Variants in EYA1 observed in about 807,000 individuals in gnomAD.
EYA1 encodes EYA transcriptional coactivator and phosphatase 1.
Under a neutral mutation model 82.0 loss-of-function variants are expected in EYA1, and 16 were observed. That is an observed-to-expected ratio of 0.20 (90% confidence interval 0.13 to 0.30). The LOEUF (loss-of-function observed/expected upper bound fraction) is 0.30. Among genes scored for constraint, EYA1 ranks in the 10% least tolerant of loss-of-function variants. EYA1 has a pLI of 1.00. For synonymous variants in EYA1, 261 were observed against 264.4 expected (o/e 0.99, Z 0.12); for missense variants, 633 against 730.7 (o/e 0.87, Z 1.54).
chr8:71,290,523 A>AT (rs556702967), intron 9 of EYA1, among the ~76,000 whole-genome samples: 204 of 152,288 alleles, frequency 1.3e-3, no homozygotes, highest in Non-Finnish European at 2.5e-3. Flanking sequence ...ATGTATAAAT[A>AT]TAAGAAAGAA....
At chr8:71,374,100 A>G (rs1828234071) in intron 2 of EYA1, among the ~76,000 whole-genome samples, 1 of 152,180 alleles carries the variant, frequency 6.6e-6, no homozygotes, top group South Asian at 2.1e-4. Flanking sequence ...GAACGGACAA[A>G]AAAGGCAAAG....
rs945927224 is a variant in EYA1, at chr8:71,327,877, GAC to G, written c.203-5611_203-5610del. On this transcript the variant is annotated intron_variant, in intron 4 of 17. Transcript: ENST00000340726. ...TCTTTTTTTTTTTTTTTTTTTTTGA[GAC>G]AGAGTCTCACCCTGTCGCCCTGGCT... Among the ~76,000 whole-genome samples the G allele has an allele frequency of 2.6e-5, 3 of 117,260 alleles. No homozygotes were observed. In the Admixed American group the frequency reaches 3.0e-4, roughly 12 times the overall value. 76.9% of individuals were successfully genotyped at this position (117,260 alleles called of 152,430 possible). A position where few individuals can be genotyped will look rare whatever the true frequency, so the allele number is the denominator to read the frequency against.
At chr8:71,390,386 C>T (rs4607654) in intron 2 of EYA1, among the ~76,000 whole-genome samples, 1,992 of 151,922 alleles carry the variant, frequency 0.013, 41 homozygotes, top group African/African-American at 0.045. Context: ...CCTCAGTCTC[C>T]TGAGTAACTG....
intron 9 of EYA1, among the ~76,000 whole-genome samples, chr8:71,286,926 C>T (rs946239499): frequency 6.6e-6 from 1 of 151,350 alleles, no homozygotes. Flanking sequence ...CTCAGACTCC[C>T]GAGTAGCTGG....
chr8:71,482,933 T>C (rs1444513684), intron 2 of EYA1, among the ~76,000 whole-genome samples: 1 of 152,190 alleles, frequency 6.6e-6, no homozygotes, highest in Non-Finnish European at 1.5e-5. Flanking sequence ...TTCCTTCTTC[T>C]TCCTGGTGGT....
At chr8:71,295,242 A>T (rs1207440615) in intron 9 of EYA1, among the ~76,000 whole-genome samples, 2 of 152,208 alleles carry the variant, frequency 1.3e-5, no homozygotes, top group East Asian at 3.9e-4. Context: ...AAACTGGAGT[A>T]TTAAAATTAA....
At chr8:71,301,136 A>G (rs1016281771) in intron 7 of EYA1, among the ~76,000 whole-genome samples, 1 of 152,184 alleles carries the variant, frequency 6.6e-6, no homozygotes, top group Non-Finnish European at 1.5e-5. Flanking sequence ...CACTATTCAG[A>G]TGGCTCCAGG....
At chr8:71,225,188 G>A in intron 12 of EYA1, 2 of 455,914 alleles carry the variant, frequency 4.4e-6, no homozygotes, top group South Asian at 3.1e-5. Context: ...TGCTTTCTAA[G>A]GGCACGTCCA....
intron 2 of EYA1, among the ~76,000 whole-genome samples, chr8:71,467,969 G>A (rs756918017): frequency 1.8e-4 from 27 of 152,116 alleles, no homozygotes; most frequent in Middle Eastern, 3.2e-3. Flanking sequence ...AAAGGTGTCT[G>A]TAATCCTGAC....
At chr8:71,450,488 G>A (rs1397883972) in intron 2 of EYA1, among the ~76,000 whole-genome samples, 1 of 152,164 alleles carries the variant, frequency 6.6e-6, no homozygotes, top group Non-Finnish European at 1.5e-5. Flanking sequence ...CGTCTTATAT[G>A]GGCATGGTTT....
At chr8:71,264,816 C>G (rs1260358050) in intron 11 of EYA1, among the ~76,000 whole-genome samples, 2 of 152,024 alleles carry the variant, frequency 1.3e-5, no homozygotes, top group Non-Finnish European at 2.9e-5. Flanking sequence ...CTCCTGAGCT[C>G]AAGTGATCTA....
chr8:71,501,374 T>C (rs1811794248), intron 2 of EYA1, among the ~76,000 whole-genome samples: 1 of 152,232 alleles, frequency 6.6e-6, no homozygotes, highest in Non-Finnish European at 1.5e-5. Context: ...ATTTAAAACA[T>C]GGTCATTATT....
chr8:71,307,037 A>C (rs1311092163), intron 7 of EYA1, among the ~76,000 whole-genome samples: 1 of 152,232 alleles, frequency 6.6e-6, no homozygotes, highest in Non-Finnish European at 1.5e-5. Flanking sequence ...TAAAGGATTT[A>C]GTGAGAACAC....
chr8:71,444,156 A>C (rs1806663739), intron 2 of EYA1, among the ~76,000 whole-genome samples: 1 of 152,216 alleles, frequency 6.6e-6, no homozygotes, highest in Non-Finnish European at 1.5e-5. Flanking sequence ...CAATTAATTT[A>C]CTGCAACTTA....
chr8:71,335,421 C>T (rs1179163047), intron 3 of EYA1, among the ~76,000 whole-genome samples: 1 of 152,152 alleles, frequency 6.6e-6, no homozygotes, highest in Non-Finnish European at 1.5e-5. Flanking sequence ...TAAATAGATG[C>T]ATCGGATAGT....
chr8:71,469,914 A>G (rs190735865), intron 2 of EYA1, among the ~76,000 whole-genome samples: 21 of 152,184 alleles, frequency 1.4e-4, no homozygotes, highest in African/African-American at 4.3e-4. Flanking sequence ...CCTAATGGCA[A>G]AACTCTAAAG....
At chr8:71,301,558 G>A (rs1820200198) in intron 7 of EYA1, among the ~76,000 whole-genome samples, 1 of 151,996 alleles carries the variant, frequency 6.6e-6, no homozygotes, top group African/African-American at 2.4e-5. Flanking sequence ...TTAAAAGCTT[G>A]AGCCAAGAAT....
chr8:71,385,890 T>C (rs1828943636), intron 2 of EYA1, among the ~76,000 whole-genome samples: 1 of 152,192 alleles, frequency 6.6e-6, no homozygotes, highest in Non-Finnish European at 1.5e-5. Flanking sequence ...AGGAGGAATG[T>C]TCAAAGCCAT....
At chr8:71,547,419 A>G (rs1586927475) in intron 1 of EYA1, 1 of 152,200 alleles carries the variant, frequency 6.6e-6, no homozygotes, top group Non-Finnish European at 1.5e-5. Context: ...GCCCGACGCC[A>G]CGGGCCTTGG....
Sources: gnomAD v4.1 joint callset for allele counts (sites outside exome capture counted in the v4.1 genomes callset) on GRCh38, gnomAD v4.1.1 for gene constraint, MANE v1.5 for transcripts, NCBI Gene and HGNC (gene_info 2026-07-23, HGNC 2026-07-21) for gene names.